VTA1: variants seen among roughly 807,000 people sequenced by gnomAD.
VTA1 encodes vacuolar protein sorting-associated protein VTA1 homolog.
Under a neutral mutation model 36.9 loss-of-function variants are expected in VTA1, and 24 were observed. The observed-to-expected ratio is 0.65, with a 90% CI of 0.47 to 0.91. VTA1 has a LOEUF of 0.91. VTA1 is among the 40% of genes least tolerant of loss of function. VTA1 has a pLI of 0.00. For missense variants in VTA1, 393 were observed against 377.2 expected (o/e 1.04, Z -0.35); for synonymous variants, 142 against 130.2 (o/e 1.09, Z -0.62).
Position 142,166,785 on chromosome 6 carries a change from G to T in VTA1, c.207+463G>T, listed in dbSNP as rs1774925453. On this transcript the variant is annotated intron_variant, in intron 2 of 7. Transcript: ENST00000367630. ...TACAGGCACACGCTAAACGCGCCCG[G>T]CTAGTTTTTTTGTATATTTTGGTAG... Among the ~76,000 whole-genome samples, 3 of 151,924 alleles carry T rather than the reference G, an allele frequency of 2.0e-5. No homozygotes were observed. The South Asian group carries it at 6.2e-4, about 32-fold the overall frequency.
chr6:142,218,456 T>G (rs750833057), intron 7 of VTA1, 42 bp from the exon 8 acceptor site: 189 of 1,601,436 alleles, frequency 1.2e-4, no homozygotes, highest in Non-Finnish European at 1.6e-4. Context: ...CAGAACACTT[T>G]TTATATTCTT....
At chr6:142,216,607 A>G (rs2114691212) in intron 7 of VTA1, among the ~76,000 whole-genome samples, 1 of 152,198 alleles carries the variant, frequency 6.6e-6, no homozygotes, top group South Asian at 2.1e-4. Context: ...TTTTCTGTTA[A>G]TTTCATTCAC....
At chr6:142,208,955 G>A (rs1182519228) in intron 7 of VTA1, among the ~76,000 whole-genome samples, 1 of 152,110 alleles carries the variant, frequency 6.6e-6, no homozygotes, top group Non-Finnish European at 1.5e-5. Flanking sequence ...AAATCCACTG[G>A]TAGAATTAAT....
intron 5 of VTA1, 48 bp from the exon 6 acceptor site, chr6:142,198,391 T>A (rs1775608881): frequency 6.4e-7 from 1 of 1,556,910 alleles, no homozygotes; most frequent in East Asian, 2.3e-5. Flanking sequence ...ACCTAGCACT[T>A]GTATTTCAAA....
intron 5 of VTA1, among the ~76,000 whole-genome samples, chr6:142,194,663 A>C (rs1410194899): frequency 6.6e-6 from 1 of 151,992 alleles, no homozygotes; most frequent in East Asian, 1.9e-4. Context: ...ATTCCTTGAG[A>C]GTTTGTATGT....
At chr6:142,186,251 G>A (rs1775337539) in intron 4 of VTA1, among the ~76,000 whole-genome samples, 1 of 152,132 alleles carries the variant, frequency 6.6e-6, no homozygotes, top group Admixed American at 6.6e-5. Flanking sequence ...ATGCATAGCT[G>A]GGTAGTAGTC....
intron 4 of VTA1, among the ~76,000 whole-genome samples, chr6:142,173,729 A>G (rs536567166): frequency 5.9e-5 from 9 of 152,324 alleles, no homozygotes; most frequent in African/African-American, 1.2e-4. Context: ...CATAAGCTAC[A>G]TTAATTTATC....
At chr6:142,164,061 T>C (rs1737663080) in intron 1 of VTA1, among the ~76,000 whole-genome samples, 1 of 152,134 alleles carries the variant, frequency 6.6e-6, no homozygotes, top group Non-Finnish European at 1.5e-5. Context: ...GTTGGCTCTC[T>C]TAGGGGAATA....
intron 4 of VTA1, among the ~76,000 whole-genome samples, chr6:142,182,469 A>G (rs1433827573): frequency 6.6e-6 from 1 of 152,200 alleles, no homozygotes; most frequent in Admixed American, 6.5e-5. Flanking sequence ...TTAAATAATC[A>G]AGGTAAAAGA....
chr6:142,176,306 T>C (rs1775124181), intron 4 of VTA1, among the ~76,000 whole-genome samples: 1 of 152,232 alleles, frequency 6.6e-6, no homozygotes, highest in South Asian at 2.1e-4. Context: ...TATGGAGTTT[T>C]TGCTATTTGA....
intron 7 of VTA1, among the ~76,000 whole-genome samples, chr6:142,213,288 G>A (rs1775937657): frequency 6.6e-6 from 1 of 152,196 alleles, no homozygotes; most frequent in African/African-American, 2.4e-5. Context: ...TTGACTCCAT[G>A]TCTCACTTCC....
intron 2 of VTA1, among the ~76,000 whole-genome samples, chr6:142,168,686 C>G (rs1457424508): frequency 1.3e-5 from 2 of 150,380 alleles, no homozygotes; most frequent in Non-Finnish European, 3.0e-5. Context: ...CATCTTATAC[C>G]TTACTTTGAA....
chr6:142,165,837 A>G (rs1352136995), intron 1 of VTA1, among the ~76,000 whole-genome samples: 2 of 152,182 alleles, frequency 1.3e-5, no homozygotes, highest in Non-Finnish European at 2.9e-5. Flanking sequence ...ATTTCCCACT[A>G]TCCCAGCCCA....
At chr6:142,172,924 T>C (rs1469107351) in intron 4 of VTA1, among the ~76,000 whole-genome samples, 2 of 150,698 alleles carry the variant, frequency 1.3e-5, no homozygotes, top group Admixed American at 6.6e-5. Context: ...AATAGGAGCC[T>C]GTACAATGAA....
chr6:142,210,608 A>G (rs771046572), intron 7 of VTA1, among the ~76,000 whole-genome samples: 1 of 152,196 alleles, frequency 6.6e-6, no homozygotes, highest in Non-Finnish European at 1.5e-5. Context: ...CAATTCAAAA[A>G]TGGGCAAAAG....
At chr6:142,166,780 G>T (rs1042856307) in intron 2 of VTA1, among the ~76,000 whole-genome samples, 1 of 151,928 alleles carries the variant, frequency 6.6e-6, no homozygotes, top group Non-Finnish European at 1.5e-5. Context: ...CGCTAAACGC[G>T]CCCGGCTAGT....
intron 7 of VTA1, among the ~76,000 whole-genome samples, chr6:142,211,207 G>T (rs1268143870): frequency 3.3e-5 from 5 of 152,038 alleles, no homozygotes; most frequent in African/African-American, 2.4e-5. Flanking sequence ...GGAAAAAAAA[G>T]AATATACGTG....
intron 7 of VTA1, among the ~76,000 whole-genome samples, chr6:142,211,561 A>G (rs1054746655): frequency 1.3e-5 from 2 of 152,062 alleles, no homozygotes; most frequent in African/African-American, 2.4e-5. Flanking sequence ...AATACAAAAA[A>G]TTAGCCGGGC....
chr6:142,206,834 T>C (rs770386777), intron 7 of VTA1, among the ~76,000 whole-genome samples: 5 of 152,058 alleles, frequency 3.3e-5, no homozygotes, highest in Non-Finnish European at 7.4e-5. Context: ...GGGAACACCA[T>C]TGAAAAAAGA....
Sources: gnomAD v4.1 joint callset for allele counts (sites outside exome capture counted in the v4.1 genomes callset) on GRCh38, gnomAD v4.1.1 for gene constraint, MANE v1.5 for transcripts, NCBI Gene and HGNC (gene_info 2026-07-23, HGNC 2026-07-21) for gene names.